KCNN2: variants seen among roughly 807,000 people sequenced by gnomAD.
KCNN2 encodes the protein small conductance calcium-activated potassium channel protein 2.
KCNN2 carries 24 observed loss-of-function variants against 55.5 expected under a neutral mutation model. The observed-to-expected ratio is 0.43, with a 90% CI of 0.31 to 0.61. The LOEUF (loss-of-function observed/expected upper bound fraction) is 0.61, where lower values mean the gene tolerates loss of function less well. Among genes scored for constraint, KCNN2 ranks in the 20% least tolerant of loss-of-function variants. KCNN2 has a pLI of 0.08. For synonymous variants in KCNN2, 431 were observed against 336.1 expected, an observed-to-expected ratio of 1.28 and a Z score of -3.09; for missense variants, 754 against 853.6, an observed-to-expected ratio of 0.88 and a Z score of 1.45.
chr5:114,388,688 G>C (rs1758357757), intron 2 of KCNN2, among the ~76,000 whole-genome samples: 1 of 152,062 alleles, frequency 6.6e-6, no homozygotes, highest in African/African-American at 2.4e-5. Flanking sequence ...TTCTCAATCT[G>C]TGTATGTCTC....
intron 2 of KCNN2, among the ~76,000 whole-genome samples, chr5:114,320,470 C>G (rs1756594003): frequency 6.6e-6 from 1 of 152,014 alleles, no homozygotes; most frequent in Admixed American, 6.5e-5. Flanking sequence ...AAAAATTAGC[C>G]AGGCCTGATG....
intron 2 of KCNN2, among the ~76,000 whole-genome samples, chr5:114,318,331 T>C (rs1756543263): frequency 1.3e-5 from 2 of 152,304 alleles, no homozygotes; most frequent in African/African-American, 4.8e-5. Context: ...GTCAAATCCT[T>C]ATTACCACTC....
intron 2 of KCNN2, among the ~76,000 whole-genome samples, chr5:114,290,459 A>C (rs1366082124): frequency 6.6e-6 from 1 of 151,996 alleles, no homozygotes; most frequent in Non-Finnish European, 1.5e-5. Context: ...TCATTTCTGA[A>C]TTTAGTTATT....
intron 2 of KCNN2, among the ~76,000 whole-genome samples, chr5:114,389,756 T>A (rs961571044): frequency 3.9e-5 from 6 of 152,202 alleles, no homozygotes; most frequent in Non-Finnish European, 2.9e-5. Flanking sequence ...GAATGTAATG[T>A]CCAAGTTTAT....
At chr5:114,135,452 G>A (rs766276044) in intron 1 of KCNN2, among the ~76,000 whole-genome samples, 28 of 152,112 alleles carry the variant, frequency 1.8e-4, no homozygotes, top group Non-Finnish European at 3.1e-4. Context: ...CCCCCAACCC[G>A]ACTCCAAACA....
chr5:114,091,520 A>G (rs1751143799), intron 1 of KCNN2, among the ~76,000 whole-genome samples: 2 of 152,196 alleles, frequency 1.3e-5, no homozygotes, highest in South Asian at 2.1e-4. Flanking sequence ...TGTTTCATGA[A>G]CAGATAAATT....
rs397943986 is a variant in KCNN2, at chr5:114,230,278, T to TC, written c.-185+8714dup. On this transcript the variant is annotated intron_variant, in intron 2 of 10. Transcript: ENST00000512097. ...GGGGTAGTGATATTCTTTTTTTTTT[T>TC]CTTTCTTTCTTTTTTTTATTATACT... 3.7e-5 allele frequency among the ~76,000 whole-genome samples: 3 copies of TC among 82,158 alleles called. No homozygotes were observed. In the Admixed American group the frequency reaches 3.8e-4, roughly 10 times the overall value. The allele number at this position is 82,158 out of a possible 152,430, so 53.9% of individuals were successfully genotyped here.
intron 1 of KCNN2, among the ~76,000 whole-genome samples, chr5:114,107,405 G>T (rs973080087): frequency 6.6e-6 from 1 of 151,988 alleles, no homozygotes; most frequent in South Asian, 2.1e-4. Flanking sequence ...TTCTTTTTGA[G>T]ATGGGGTCTG....
chr5:114,102,211 G>A (rs1348123289), intron 1 of KCNN2, among the ~76,000 whole-genome samples: 3 of 151,670 alleles, frequency 2.0e-5, no homozygotes, highest in Admixed American at 2.0e-4. Flanking sequence ...TCATGTGTCT[G>A]TTGGCCACAT....
At chr5:114,449,793 A>G (rs1469021953) in intron 3 of KCNN2, among the ~76,000 whole-genome samples, 2 of 151,870 alleles carry the variant, frequency 1.3e-5, no homozygotes, top group Non-Finnish European at 2.9e-5. Context: ...TGATCTTGAG[A>G]ATCTCAGAGG....
intron 1 of KCNN2, among the ~76,000 whole-genome samples, chr5:114,103,721 T>A (rs1371212237): frequency 6.6e-6 from 1 of 150,740 alleles, no homozygotes; most frequent in Non-Finnish European, 1.5e-5. Flanking sequence ...ATGTGATGGA[T>A]TACGTTTATT....
chr5:114,072,058 C>G (rs1159040716), intron 1 of KCNN2, among the ~76,000 whole-genome samples: 1 of 152,098 alleles, frequency 6.6e-6, no homozygotes, highest in Non-Finnish European at 1.5e-5. Context: ...TTTGGGAGGC[C>G]AAGGTGGGTG....
chr5:114,487,189 T>TTTTCA lies in KCNN2; in HGVS notation c.2018+16_2018+20dup, dbSNP rs1350382466. ...CAAGCTATTCATCAGTAAGTATCATTTTTCATTTTTATCCTGTTGTTGTGT... is the reference window on the plus strand; with the variant it reads ...CAAGCTATTCATCAGTAAGTATCATTTTTCATTTCATTTTTATCCTGTTGTTGTGT... On this transcript the variant is annotated intron_variant, in intron 6 of 7. Transcript: ENST00000673685. 1 of 1,611,252 alleles carries TTTTCA rather than the reference T, an allele frequency of 6.2e-7. No homozygotes were observed. The highest frequency in any genetic ancestry group is 2.2e-5 in the East Asian group (1 of 44,694).
intron 1 of KCNN2, among the ~76,000 whole-genome samples, chr5:114,195,195 T>G (rs1158185695): frequency 6.6e-6 from 1 of 151,778 alleles, no homozygotes; most frequent in African/African-American, 2.4e-5. Context: ...GTATGAATTT[T>G]AAGATCAGTG....
intron 2 of KCNN2, among the ~76,000 whole-genome samples, chr5:114,308,169 G>A (rs1756325224): frequency 6.6e-6 from 1 of 152,082 alleles, no homozygotes; most frequent in African/African-American, 2.4e-5. Context: ...GCCACCACAT[G>A]CTGGGGATTA....
rs1466771338 is a variant in KCNN2 at position 114,296,589 on chromosome 5, G to A, written c.-184-64356G>A. ...AAAATGAATATTTACAAGAAATTGG[G>A]CTGAAGGCCATCTGGCCCAAACACG... is the stretch of plus-strand genomic sequence containing the variant. On this transcript the variant is annotated intron_variant, in intron 2 of 10. Transcript: ENST00000512097. 2.0e-5 allele frequency among the ~76,000 whole-genome samples: 3 copies of A among 152,066 alleles called. No individual in the cohort carries two copies. In the East Asian group the frequency reaches 5.8e-4, roughly 29 times the overall value.
At chr5:114,451,135 T>G (rs969111295) in intron 3 of KCNN2, among the ~76,000 whole-genome samples, 2 of 152,214 alleles carry the variant, frequency 1.3e-5, no homozygotes. Context: ...TATTCCAATA[T>G]GACATGTAAA....
intron 2 of KCNN2, among the ~76,000 whole-genome samples, chr5:114,374,743 T>G (rs1757883198): frequency 6.6e-6 from 1 of 152,182 alleles, no homozygotes; most frequent in African/African-American, 2.4e-5. Flanking sequence ...TAGGACACAT[T>G]GGGATTATAC....
At chr5:114,293,812 C>T (rs185761705) in intron 2 of KCNN2, among the ~76,000 whole-genome samples, 5,025 of 152,230 alleles carry the variant, frequency 0.033, 96 homozygotes, top group Middle Eastern at 0.058. Flanking sequence ...GCTGTGAATC[C>T]ATCTGGTCCT....
Sources: gnomAD v4.1 joint callset for allele counts (sites outside exome capture counted in the v4.1 genomes callset) on GRCh38, gnomAD v4.1.1 for gene constraint, MANE v1.5 for transcripts, NCBI Gene and HGNC (gene_info 2026-07-23, HGNC 2026-07-21) for gene names.